AOX1: variants seen among roughly 807,000 people sequenced by gnomAD.
The protein encoded by AOX1 is aldehyde oxidase.
A neutral mutation model predicts 169.5 loss-of-function variants in AOX1; 153 were observed. The ratio of observed to expected loss-of-function variants is 0.90; its 90% CI spans 0.79 to 1.03. AOX1 has a LOEUF of 1.03. AOX1 is among the 50% of genes least tolerant of loss of function. The pLI is 0.00. For missense variants in AOX1, 1,656 were observed against 1,663.9 expected (o/e 1.00, Z 0.08); for synonymous variants, 562 against 581.9 (o/e 0.97, Z 0.49).
At chr2:200,621,847 G>T (rs2034893058) in intron 18 of AOX1, among the ~76,000 whole-genome samples, 2 of 152,074 alleles carry the variant, frequency 1.3e-5, no homozygotes, top group Non-Finnish European at 2.9e-5. Flanking sequence ...CCACCTCCTG[G>T]GTTCAAGCGA....
rs796666536 is a variant in AOX1, at chr2:200,661,643, C to T, written c.3428+12C>T. 2 of 1,599,136 alleles carry T rather than the reference C, an allele frequency of 1.3e-6. No individual in the cohort carries two copies. The highest frequency in any genetic ancestry group is 2.7e-5 in the African/African-American group (2 of 74,516). ...GTTGGATACTTCAGGTAAATACTCC[C>T]TCTGATCACATGCTATGGAGAAGAA... On this transcript the variant is annotated intron_variant, in intron 30 of 34. Transcript: ENST00000374700.
intron 16 of AOX1, among the ~76,000 whole-genome samples, chr2:200,616,504 T>G (rs1223263840): frequency 6.6e-6 from 1 of 152,276 alleles, no homozygotes; most frequent in African/African-American, 2.4e-5. Flanking sequence ...TAAAAAGAAC[T>G]GCTGATTTGT....
chr2:200,669,074 T>C (rs1574967513), intron 33 of AOX1, among the ~76,000 whole-genome samples: 2 of 152,364 alleles, frequency 1.3e-5, no homozygotes, highest in South Asian at 4.1e-4. Context: ...ATCTTCTGTA[T>C]GTAGGTCATT....
rs1330680669 is a variant in AOX1, at chr2:200,603,273, G to T, written c.505G>T (p.Gly169Cys). 1 of 1,613,656 alleles carries T rather than the reference G, an allele frequency of 6.2e-7. No homozygotes were observed. The highest frequency in any genetic ancestry group is 1.7e-5 in the Admixed American group (1 of 59,996). The change falls in exon 7 of 35, where the codon GGC becomes TGC. Residue 169 changes from glycine (G) to cysteine (C), a missense_variant. Physicochemically the swap from Gly to Cys is radical, Grantham distance 159. Coordinates refer to ENST00000374700, the MANE Select transcript of AOX1 (RefSeq NM_001159.4). ...DACKTFCKTSGCCQSKENGVC... is the reference protein window; with the variant it reads ...DACKTFCKTSCCCQSKENGVC... ...TTTGTTTTTTGTCCACTAGACTTCG[G>T]GCTGCTGTCAAAGTAAAGAAAATGG...
chr2:200,595,928 A>T (rs765543624), intron 3 of AOX1, among the ~76,000 whole-genome samples: 1 of 152,062 alleles, frequency 6.6e-6, no homozygotes, highest in Admixed American at 6.5e-5. Context: ...TAAGCCCCCA[A>T]TGGCTTCCCA....
chr2:200,659,947 G>T, intron 28 of AOX1, 48 bp from the exon 29 acceptor site: 1 of 1,431,800 alleles, frequency 7.0e-7, no homozygotes, highest in South Asian at 1.2e-5. Context: ...TGAATTTGGT[G>T]TTTGCATGAA....
Position 200,666,377 on chromosome 2 carries a change from T to C in AOX1, c.3544-310T>C, listed in dbSNP as rs531403210. 3.3e-5 allele frequency among the ~76,000 whole-genome samples: 5 copies of C among 152,330 alleles called. No individual in the cohort carries two copies. The South Asian group carries it at 1.0e-3, about 32-fold the overall frequency. On this transcript the variant is annotated intron_variant, in intron 31 of 34. Transcript: ENST00000374700. Reference sequence around the variant, plus strand: ...TTCTTTTGTTGTGTCATATGTTATATCTGTTGTAGTGAATTAAACTCAATC... The same window carrying C: ...TTCTTTTGTTGTGTCATATGTTATACCTGTTGTAGTGAATTAAACTCAATC...
At chr2:200,669,937 A>AGCCT (rs2035995326) in intron 34 of AOX1, among the ~76,000 whole-genome samples, 195 bp downstream of exon 34, 1 of 152,038 alleles carries the variant, frequency 6.6e-6, no homozygotes, top group South Asian at 2.1e-4. Flanking sequence ...TTTTTTCATC[A>AGCCT]GCCTGCCCCT....
chr2:200,640,138 G>T (rs2035326383), intron 23 of AOX1, among the ~76,000 whole-genome samples: 1 of 151,982 alleles, frequency 6.6e-6, no homozygotes, highest in Non-Finnish European at 1.5e-5. Flanking sequence ...TGGCATGTTT[G>T]ATAGAGGCAA....
In AOX1 at chr2:200,602,362, A is replaced by G. The variant is rs774403420; in HGVS notation, c.498+17A>G. The G allele has an allele frequency of 1.2e-6, 2 of 1,610,988 alleles. No homozygotes were observed. The highest frequency in any genetic ancestry group is 2.2e-5 in the South Asian group (2 of 90,816). ...TTCTGTAAAGTAAGTGGAAAGGACC[A>G]CATGTTTGAGTATGTTTTCCCCAGT... On this transcript the variant is annotated intron_variant, in intron 6 of 34. Coordinates refer to ENST00000374700, the MANE Select transcript of AOX1 (RefSeq NM_001159.4).
chr2:200,646,749 G>A (rs1291848514), intron 25 of AOX1, among the ~76,000 whole-genome samples: 2 of 152,192 alleles, frequency 1.3e-5, no homozygotes, highest in Middle Eastern at 3.4e-3. Context: ...AGTGTTAGGT[G>A]TGTATATGTT....
At position 200,605,541 on chromosome 2, in the gene AOX1, G is replaced by A; in HGVS notation, c.820G>A (p.Glu274Lys). 6.5e-7 allele frequency: 1 copy of A among 1,529,578 alleles called. No homozygotes were observed. Among genetic ancestry groups the A allele is most frequent in the Non-Finnish European group, 8.8e-7 (1 of 1,136,334 alleles). 94.8% of individuals were successfully genotyped at this position (1,529,578 alleles called of 1,614,324 possible). Residue 274 changes from glutamate to lysine, a missense_variant, in exon 10 of 35, where the codon GAA becomes AAA. Transcript: ENST00000374700. ...VIMGNTSVGP[E>K]VKFKGVFHPV... is the part of the protein sequence containing the mutation. ...TTTTTTTTTTGATCCTTTAGGGCCT[G>A]AAGTGAAATTTAAAGGCGTCTTTCA...
At position 200,593,129 on chromosome 2, in the gene AOX1, T is replaced by C; in HGVS notation, c.46-17T>C. On this transcript the variant is annotated splice_polypyrimidine_tract_variant and intron_variant, in intron 1 of 34. Coordinates refer to ENST00000374700, the MANE Select transcript of AOX1 (RefSeq NM_001159.4). ...TATTAGCTCTCTCAACTAACTCTTA[T>C]TTTCCCTTTGGTATAGGTGATAGAA... The C allele has an allele frequency of 6.2e-7, 1 of 1,606,074 alleles. No homozygotes were observed.
Position 200,604,037 on chromosome 2 carries a change from A to G in AOX1, c.609A>G (p.Ala203=). ...EGSKTSPKLF[A]EEEFLPLDPT... ...TTTAGACAAGTCCAAAACTCTTCGCAGAAGAGGAGTTTCTGCCATTGGATC... is the reference window on the plus strand; with the variant it reads ...TTTAGACAAGTCCAAAACTCTTCGCGGAAGAGGAGTTTCTGCCATTGGATC... The change falls in exon 8 of 35, where the codon GCA becomes GCG. Residue 203 remains alanine, a synonymous_variant. Transcript: ENST00000374700. 1.2e-6 allele frequency: 2 copies of G among 1,612,582 alleles called. No homozygotes were observed. The highest frequency in any genetic ancestry group is 1.7e-6 in the Non-Finnish European group (2 of 1,178,594).
chr2:200,601,716 G>A (rs1241602443), intron 5 of AOX1, among the ~76,000 whole-genome samples: 1 of 152,056 alleles, frequency 6.6e-6, no homozygotes, highest in African/African-American at 2.4e-5. Context: ...TGGATCACCT[G>A]AGGTCAGGAA....
downstream of AOX1, among the ~76,000 whole-genome samples, chr2:200,676,082 T>TA (rs2036094087): frequency 6.6e-6 from 1 of 152,194 alleles, no homozygotes; most frequent in Non-Finnish European, 1.5e-5. Flanking sequence ...AATCTGATAC[T>TA]AGTTTCCTTT....
At chr2:200,592,315 A>G (rs752190562) in intron 1 of AOX1, among the ~76,000 whole-genome samples, 1 of 152,226 alleles carries the variant, frequency 6.6e-6, no homozygotes, top group Non-Finnish European at 1.5e-5. Flanking sequence ...GAATAAGCAT[A>G]TGTCCACTCC....
rs1559230032 is a variant in AOX1 at position 200,595,268 on chromosome 2, C to A, written c.104-4C>A. The stretch of plus-strand genomic sequence containing the variant: ...CATATGATCTTTAACTATACCTCTT[C>A]CAGTTCGACTCACAGGAACTAAGTA... On this transcript the variant is annotated splice_region_variant and splice_polypyrimidine_tract_variant and intron_variant, in intron 2 of 34. Coordinates refer to ENST00000374700, the MANE Select transcript of AOX1 (RefSeq NM_001159.4). 4 of 1,611,098 alleles carry A rather than the reference C, an allele frequency of 2.5e-6. No individual in the cohort carries two copies. In the African/African-American group the frequency reaches 4.0e-5, roughly 16 times the overall value.
chr2:200,587,177 G>A (rs1411412846), intron 1 of AOX1, among the ~76,000 whole-genome samples: 1 of 151,754 alleles, frequency 6.6e-6, no homozygotes, highest in African/African-American at 2.4e-5. Flanking sequence ...CTGCAGCCCA[G>A]CTACTGGGGA....
Sources: gnomAD v4.1 joint callset for allele counts (sites outside exome capture counted in the v4.1 genomes callset) on GRCh38, gnomAD v4.1.1 for gene constraint, MANE v1.5 for transcripts, NCBI Gene and HGNC (gene_info 2026-07-23, HGNC 2026-07-21) for gene names.